STS: variants seen among roughly 807,000 people sequenced by gnomAD.
STS encodes steroid sulfatase.
A neutral mutation model predicts 26.8 loss-of-function variants in STS; 7 were observed. The observed-to-expected ratio is 0.26, with a 90% CI of 0.15 to 0.49. The LOEUF (loss-of-function observed/expected upper bound fraction) is 0.49. STS is among the 20% of genes least tolerant of loss of function. The probability of loss-of-function intolerance (pLI) is 0.98; values close to 1 mark genes in which losing one functional copy is unlikely to be tolerated. For missense variants in STS, 434 were observed against 465.6 expected (o/e 0.93, Z 0.63); for synonymous variants, 199 against 189.4 (o/e 1.05, Z -0.42).
chrX:7,325,628 T>C, intron 9 of STS, 130 bp downstream of exon 9: 2 of 768,454 alleles, frequency 2.6e-6, no homozygotes, highest in Non-Finnish European at 4.0e-6. Flanking sequence ...AAATCACAGG[T>C]TTGAGGCAGG....
At chrX:7,310,971 A>G (rs1191587757) in intron 8 of STS, among the ~76,000 whole-genome samples, 1 of 111,940 alleles carries the variant, frequency 8.9e-6, no homozygotes, top group African/African-American at 3.2e-5. Flanking sequence ...CCAAATCTGC[A>G]TGATCTTATT....
chrX:7,274,155 G>A (rs1924419580), intron 6 of STS, among the ~76,000 whole-genome samples: 1 of 111,671 alleles, frequency 9.0e-6, no homozygotes, highest in Non-Finnish European at 1.9e-5. Flanking sequence ...ATAAGGCTTC[G>A]TCAGGACTGT....
At chrX:7,250,020 T>C (rs1381827385) in intron 2 of STS, among the ~76,000 whole-genome samples, 1 of 110,892 alleles carries the variant, frequency 9.0e-6, no homozygotes, top group Admixed American at 9.6e-5. Context: ...CTCGAACCCC[T>C]GGGCTCAAGC....
chrX:7,228,926 A>G (rs1394709635), intron 2 of STS, among the ~76,000 whole-genome samples: 1 of 112,006 alleles, frequency 8.9e-6, no homozygotes, highest in Non-Finnish European at 1.9e-5. Flanking sequence ...CTGATGTTAC[A>G]TCTATTTTGT....
intron 7 of STS, among the ~76,000 whole-genome samples, chrX:7,299,016 AT>A (rs1925805133): frequency 1.4e-5 from 1 of 73,587 alleles, no homozygotes; most frequent in Non-Finnish European, 2.5e-5. Flanking sequence ...ATTTATATAT[AT>A]ATAAATATAT....
chrX:7,189,526 G>A (rs1273437093), intron 1 of STS, among the ~76,000 whole-genome samples: 1 of 112,089 alleles, frequency 8.9e-6, no homozygotes, highest in Non-Finnish European at 1.9e-5. Flanking sequence ...TACAGACACC[G>A]AAATTTGAGT....
At chrX:7,301,233 CA>C (rs11418197) in intron 7 of STS, among the ~76,000 whole-genome samples, 1 of 101,635 alleles carries the variant, frequency 9.8e-6, no homozygotes, top group Admixed American at 1.1e-4. Context: ...ACAACGAATA[CA>C]AAAAAAAAAT....
intron 2 of STS, among the ~76,000 whole-genome samples, chrX:7,244,155 T>C (rs190699130): frequency 8.9e-6 from 1 of 111,746 alleles, no homozygotes; most frequent in African/African-American, 3.3e-5. Context: ...GCAAGGAGCA[T>C]GATGCTGTTG....
chrX:7,342,377 G>A (rs937180282), intron 10 of STS, among the ~76,000 whole-genome samples: 3 of 111,749 alleles, frequency 2.7e-5, no homozygotes, highest in East Asian at 5.6e-4. Flanking sequence ...AGGCAAGGAA[G>A]GGAAAGTGAG....
At chrX:7,316,997 G>T (rs755276531) in intron 8 of STS, among the ~76,000 whole-genome samples, 1 of 112,099 alleles carries the variant, frequency 8.9e-6, no homozygotes, top group Non-Finnish European at 1.9e-5. Context: ...AAAGTGATTT[G>T]ACCTGCTGTG....
At chrX:7,309,155 T>C (rs754097361) in intron 8 of STS, among the ~76,000 whole-genome samples, 1 of 111,606 alleles carries the variant, frequency 9.0e-6, no homozygotes, top group South Asian at 3.8e-4. Flanking sequence ...GCTTCATCAA[T>C]GACAGAGTGG....
At chrX:7,258,113 GAT>G (rs1230811832) in intron 5 of STS, among the ~76,000 whole-genome samples, 5 of 28,611 alleles carry the variant, frequency 1.7e-4, no homozygotes, top group Non-Finnish European at 4.7e-4. Flanking sequence ...GACATAGATA[GAT>G]AGATAGATAG....
intron 2 of STS, among the ~76,000 whole-genome samples, chrX:7,230,238 T>C (rs1922000855): frequency 9.0e-6 from 1 of 111,380 alleles, no homozygotes; most frequent in South Asian, 3.8e-4. Context: ...ATTGGAAGCC[T>C]CATAAATCAC....
chrX:7,319,323 T>A (rs1926853907), intron 8 of STS, among the ~76,000 whole-genome samples: 1 of 110,041 alleles, frequency 9.1e-6, no homozygotes, highest in Non-Finnish European at 1.9e-5. Flanking sequence ...ATTTTTTTAA[T>A]TATTATTAAT....
chrX:7,304,926 C>G (rs1232116790), intron 7 of STS, 120 bp from the exon 8 acceptor site: 2 of 878,870 alleles, frequency 2.3e-6, no homozygotes, highest in Non-Finnish European at 3.3e-6. Flanking sequence ...GGGATAAACT[C>G]CAATATGTAA....
At chrX:7,246,365 G>A (rs1320937754) in intron 2 of STS, among the ~76,000 whole-genome samples, 1 of 109,132 alleles carries the variant, frequency 9.2e-6, no homozygotes, top group Non-Finnish European at 1.9e-5. Flanking sequence ...GCAGTGGCGC[G>A]ATCTCGGCTC....
chrX:7,204,491 TCCTTCCTCCCTCCCTCCTTTCCTC>T (rs1434888436), intron 2 of STS, among the ~76,000 whole-genome samples: 1 of 101,184 alleles, frequency 9.9e-6, no homozygotes, highest in Non-Finnish European at 2.0e-5. Flanking sequence ...CTCCCTCCCT[TCCTTCCTCCCTCCCTCCTTTCCTC>T]CCTTCCTCCC....
intron 2 of STS, among the ~76,000 whole-genome samples, chrX:7,224,116 A>G (rs1921697900): frequency 8.9e-6 from 1 of 111,814 alleles, no homozygotes; most frequent in African/African-American, 3.3e-5. Flanking sequence ...GATAAAGCCA[A>G]TATTTGAAAA....
In STS at chrX:7,325,866, G is replaced by C. The variant is rs756268072; in HGVS notation, c.1241+368G>C. On this transcript the variant is annotated intron_variant, in intron 9 of 10. Transcript: ENST00000674429. Reference sequence around the variant, plus strand: ...TATCTAGATGCTTCTTGGCCTCTCTGAGCAGTTTTCCTTCCTTCTGGGCAT... The same window carrying C: ...TATCTAGATGCTTCTTGGCCTCTCTCAGCAGTTTTCCTTCCTTCTGGGCAT... Among the ~76,000 whole-genome samples the C allele has an allele frequency of 6.7e-4, 75 of 112,195 alleles. 1 individual carries two copies. The highest frequency in any genetic ancestry group is 2.3e-3 in the African/African-American group (71 of 30,940).
Sources: gnomAD v4.1 joint callset for allele counts (sites outside exome capture counted in the v4.1 genomes callset) on GRCh38, gnomAD v4.1.1 for gene constraint, MANE v1.5 for transcripts, NCBI Gene and HGNC (gene_info 2026-07-23, HGNC 2026-07-21) for gene names.